The following CHL1 variants were observed in gnomAD, a reference collection of about 807,000 sequenced individuals.
CHL1 encodes the protein cell adhesion molecule L1 like.
A neutral mutation model predicts 141.9 loss-of-function variants in CHL1; 96 were observed. That is an observed-to-expected ratio of 0.68 (90% CI 0.57 to 0.80). The LOEUF is 0.80. Ranked by LOEUF, CHL1 falls within the 30% of genes least tolerant of loss-of-function variation. The pLI is 0.00. For synonymous variants in CHL1, 613 were observed against 502.2 expected, an observed-to-expected ratio of 1.22 and a Z score of -2.95; for missense variants, 1,820 against 1,457.2, an observed-to-expected ratio of 1.25 and a Z score of -4.05.
chr3:321,033 C>G (rs1049700997), intron 3 of CHL1, among the ~76,000 whole-genome samples: 2 of 151,996 alleles, frequency 1.3e-5, no homozygotes, highest in African/African-American at 4.8e-5. Context: ...TGGGACTTAA[C>G]TAAAACGTTG....
intron 15 of CHL1, among the ~76,000 whole-genome samples, chr3:366,696 A>C (rs978363391): frequency 1.6e-4 from 25 of 152,020 alleles, no homozygotes; most frequent in African/African-American, 6.0e-4. Context: ...AAAAAAAAAA[A>C]AAAAAACTGG....
rs371900848 is a variant in CHL1 at position 281,225 on chromosome 3, A to T, written c.-95+36533A>T. The stretch of plus-strand genomic sequence containing the variant: ...CCCTGTAATTGCTTGAAGTAACTTA[A>T]TCTCCCTAGTAATTGTGCAGTATCT... On this transcript the variant is annotated intron_variant, in intron 2 of 27. Transcript: ENST00000256509. Among the ~76,000 whole-genome samples, 19 of 152,118 alleles carry T rather than the reference A, an allele frequency of 1.2e-4. 1 individual carries two copies. The East Asian group carries it at 1.5e-3, about 12-fold the overall frequency.
intron 2 of CHL1, among the ~76,000 whole-genome samples, chr3:285,217 T>C (rs1277397451): frequency 1.3e-5 from 2 of 152,252 alleles, no homozygotes; most frequent in African/African-American, 2.4e-5. Context: ...CTTGATGAGA[T>C]ACAGAATTCT....
chr3:266,401 G>T (rs1695154001), intron 2 of CHL1, among the ~76,000 whole-genome samples: 1 of 152,134 alleles, frequency 6.6e-6, no homozygotes, highest in Admixed American at 6.5e-5. Context: ...TTAGAAGGGG[G>T]CTGGGGACTC....
chr3:347,018 A>C (rs771966495), intron 9 of CHL1, among the ~76,000 whole-genome samples: 1 of 152,162 alleles, frequency 6.6e-6, no homozygotes, highest in African/African-American at 2.4e-5. Context: ...TCTTGGCAAG[A>C]ATTTCCAGCT....
At chr3:203,433 C>T (rs1488654087) in intron 1 of CHL1, among the ~76,000 whole-genome samples, 15 of 152,242 alleles carry the variant, frequency 9.9e-5, no homozygotes. Flanking sequence ...AAAGACATAT[C>T]TTCGCTGGGT....
At chr3:254,106 G>C (rs1419910135) in intron 2 of CHL1, among the ~76,000 whole-genome samples, 3 of 152,184 alleles carry the variant, frequency 2.0e-5, no homozygotes, top group South Asian at 2.1e-4. Flanking sequence ...GTGTCCAGTA[G>C]CTAGCACTTA....
chr3:286,480 G>A (rs1246525121), intron 2 of CHL1, among the ~76,000 whole-genome samples: 7 of 151,754 alleles, frequency 4.6e-5, no homozygotes, highest in African/African-American at 1.2e-4. Flanking sequence ...GCATGGTGAC[G>A]CACCCCTGTA....
intron 15 of CHL1, among the ~76,000 whole-genome samples, chr3:368,207 C>T (rs930927843): frequency 6.6e-6 from 1 of 152,190 alleles, no homozygotes; most frequent in Non-Finnish European, 1.5e-5. Context: ...AATTTACATT[C>T]CCACCAACAG....
intron 14 of CHL1, 75 bp from the exon 15 acceptor site, chr3:365,875 A>G (rs989249062): frequency 1.8e-5 from 21 of 1,187,796 alleles, no homozygotes; most frequent in Middle Eastern, 2.5e-4. Flanking sequence ...AATTTGGGTT[A>G]CTTAACTTGC....
rs78626535 is a variant in CHL1, at chr3:336,255, G to A, written c.386-4539G>A. Among the ~76,000 whole-genome samples, 534 of 152,234 alleles carry A rather than the reference G, an allele frequency of 3.5e-3. 5 individuals are homozygous for A. Among genetic ancestry groups the A allele is most frequent in the African/African-American group, 0.012 (498 of 41,542 alleles). The stretch of plus-strand genomic sequence containing the variant: ...GAAAATACCTTGATACTAGATTACA[G>A]TATCATCTAGAAATAGGAAAATATA... On this transcript the variant is annotated intron_variant, in intron 5 of 27. Coordinates refer to ENST00000256509, the MANE Select transcript of CHL1 (RefSeq NM_006614.4).
chr3:231,873 A>G (rs893212256), intron 1 of CHL1, among the ~76,000 whole-genome samples: 10 of 152,104 alleles, frequency 6.6e-5, no homozygotes, highest in Non-Finnish European at 1.5e-4. Context: ...TACCACACCC[A>G]GCCTAGACCT....
chr3:208,304 T>C (rs1026693965), intron 1 of CHL1, among the ~76,000 whole-genome samples: 1 of 151,958 alleles, frequency 6.6e-6, no homozygotes, highest in Non-Finnish European at 1.5e-5. Context: ...AACCCATTAC[T>C]GTATTTAACA....
chr3:232,188 T>A (rs1701925306), intron 1 of CHL1, among the ~76,000 whole-genome samples: 1 of 152,204 alleles, frequency 6.6e-6, no homozygotes, highest in Non-Finnish European at 1.5e-5. Flanking sequence ...CGGAGAATCA[T>A]GATCTCATTC....
chr3:297,315 G>A (rs866841113), intron 2 of CHL1, among the ~76,000 whole-genome samples: 2 of 152,076 alleles, frequency 1.3e-5, no homozygotes, highest in African/African-American at 2.4e-5. Context: ...GCAAGAACAG[G>A]GAAAGAGAAG....
intron 15 of CHL1, among the ~76,000 whole-genome samples, chr3:368,335 T>C (rs539856133): frequency 2.0e-5 from 3 of 152,242 alleles, no homozygotes; most frequent in Non-Finnish European, 4.4e-5. Flanking sequence ...CATTTGCATC[T>C]CTCTGATGAT....
chr3:237,360 A>G (rs1046915229), intron 1 of CHL1, among the ~76,000 whole-genome samples: 1 of 152,228 alleles, frequency 6.6e-6, no homozygotes, highest in Non-Finnish European at 1.5e-5. Flanking sequence ...TTCCCAAGCC[A>G]TGCAGAACTG....
At chr3:271,457 T>C (rs1695629815) in intron 2 of CHL1, among the ~76,000 whole-genome samples, 1 of 152,200 alleles carries the variant, frequency 6.6e-6, no homozygotes, top group Non-Finnish European at 1.5e-5. Context: ...CATTGCACTT[T>C]TGTAAATTTA....
At chr3:369,632 A>G (rs573075598) in intron 15 of CHL1, among the ~76,000 whole-genome samples, 6 of 152,200 alleles carry the variant, frequency 3.9e-5, no homozygotes, top group Non-Finnish European at 8.8e-5. Flanking sequence ...TTCCAATACT[A>G]TGTTGAATAG....
Sources: gnomAD v4.1 joint callset for allele counts (sites outside exome capture counted in the v4.1 genomes callset) on GRCh38, gnomAD v4.1.1 for gene constraint, MANE v1.5 for transcripts, NCBI Gene and HGNC (gene_info 2026-07-23, HGNC 2026-07-21) for gene names.